The following UBASH3B variants were observed in gnomAD, a reference collection of about 807,000 sequenced individuals.
UBASH3B encodes the protein ubiquitin-associated and SH3 domain-containing protein B.
A neutral mutation model predicts 83.4 loss-of-function variants in UBASH3B; 37 were observed. That is an observed-to-expected ratio of 0.44 (90% confidence interval 0.34 to 0.58). The LOEUF is 0.58. Ranked by LOEUF, UBASH3B falls within the 20% of genes least tolerant of loss-of-function variation. The pLI is 0.01. For missense variants in UBASH3B, 657 were observed against 827.2 expected (o/e 0.79, Z 2.52); for synonymous variants, 304 against 318.3 (o/e 0.96, Z 0.48).
intron 1 of UBASH3B, among the ~76,000 whole-genome samples, chr11:122,752,027 TTAA>T (rs1240860304): frequency 6.6e-6 from 1 of 152,222 alleles, no homozygotes; most frequent in Non-Finnish European, 1.5e-5. Flanking sequence ...TTATTTTAAC[TTAA>T]TAAACAAAAG....
chr11:122,705,372 G>A (rs529179836), intron 1 of UBASH3B, among the ~76,000 whole-genome samples: 10 of 151,772 alleles, frequency 6.6e-5, no homozygotes, highest in African/African-American at 2.2e-4. Flanking sequence ...CTTGAACCTG[G>A]GAGGCAGAGG....
intron 1 of UBASH3B, among the ~76,000 whole-genome samples, chr11:122,703,216 G>C (rs1030953331): frequency 6.6e-6 from 1 of 151,862 alleles, no homozygotes; most frequent in Non-Finnish European, 1.5e-5. Flanking sequence ...TCACGAGGTC[G>C]GGAGATTGAG....
chr11:122,687,431 T>C (rs1863823018), intron 1 of UBASH3B, among the ~76,000 whole-genome samples: 1 of 152,186 alleles, frequency 6.6e-6, no homozygotes, highest in African/African-American at 2.4e-5. Flanking sequence ...CTCACAGCAC[T>C]GGGCGTCCAG....
chr11:122,807,283 G>C (rs569271299), intron 12 of UBASH3B, among the ~76,000 whole-genome samples: 1 of 152,294 alleles, frequency 6.6e-6, no homozygotes, highest in East Asian at 1.9e-4. Context: ...ACACACAACA[G>C]TCCTGTATCT....
At chr11:122,704,918 T>TG (rs1198990038) in intron 1 of UBASH3B, among the ~76,000 whole-genome samples, 2 of 152,142 alleles carry the variant, frequency 1.3e-5, no homozygotes, top group African/African-American at 4.8e-5. Context: ...TTTCCTTATT[T>TG]GGGGGGTTAG....
chr11:122,707,646 T>C (rs529359414), intron 1 of UBASH3B, among the ~76,000 whole-genome samples: 7 of 152,274 alleles, frequency 4.6e-5, no homozygotes, highest in African/African-American at 1.7e-4. Context: ...TATTGTCTCA[T>C]TTGTCTCTTC....
intron 1 of UBASH3B, among the ~76,000 whole-genome samples, chr11:122,683,688 T>C (rs1863773423): frequency 6.6e-6 from 1 of 151,506 alleles, no homozygotes; most frequent in East Asian, 1.9e-4. Context: ...CTTAATATTA[T>C]CAAATATCTA....
chr11:122,662,267 C>A (rs1052027354), intron 1 of UBASH3B, among the ~76,000 whole-genome samples: 3 of 151,928 alleles, frequency 2.0e-5, no homozygotes, highest in African/African-American at 7.3e-5. Flanking sequence ...AATCAGCTAA[C>A]CCTATTTAAA....
At chr11:122,755,400 T>C (rs1043766749) in intron 1 of UBASH3B, among the ~76,000 whole-genome samples, 1 of 152,036 alleles carries the variant, frequency 6.6e-6, no homozygotes, top group Non-Finnish European at 1.5e-5. Flanking sequence ...TTCTTCTATC[T>C]TATGGAAAGC....
intron 9 of UBASH3B, among the ~76,000 whole-genome samples, chr11:122,797,808 C>T (rs1861180941): frequency 6.6e-6 from 1 of 151,932 alleles, no homozygotes; most frequent in South Asian, 2.1e-4. Flanking sequence ...TGGGAGGGAC[C>T]ACATAAAGAG....
chr11:122,669,004 T>G (rs1442406537), intron 1 of UBASH3B, among the ~76,000 whole-genome samples: 2 of 152,190 alleles, frequency 1.3e-5, no homozygotes, highest in Non-Finnish European at 2.9e-5. Context: ...CTTTATCCCT[T>G]GGGAACTAGG....
chr11:122,662,334 G>A (rs888951441), intron 1 of UBASH3B, among the ~76,000 whole-genome samples: 1 of 151,986 alleles, frequency 6.6e-6, no homozygotes, highest in Non-Finnish European at 1.5e-5. Flanking sequence ...GACACAGTAC[G>A]TTCACTGCCC....
At chr11:122,789,361 C>T (rs1307130499) in intron 6 of UBASH3B, 53 bp downstream of exon 6, 41 of 1,574,734 alleles carry the variant, frequency 2.6e-5, no homozygotes, top group Non-Finnish European at 3.6e-5. Context: ...CTAAGGCAGA[C>T]TGGATCCTGG....
chr11:122,792,252 A>G (rs1200665594), intron 6 of UBASH3B, among the ~76,000 whole-genome samples: 4 of 151,364 alleles, frequency 2.6e-5, no homozygotes, highest in African/African-American at 9.7e-5. Context: ...GTAGCCAGAC[A>G]TTTTGCACCC....
In UBASH3B at chr11:122,706,177, C is replaced by T. The variant is rs1020337622; in HGVS notation, c.161+49967C>T. The stretch of plus-strand genomic sequence containing the variant: ...TGTTGCCCAGACTAGAGTGCAGTTG[C>T]GTGATCTCAGCTCACTGCAACCTTC... On this transcript the variant is annotated intron_variant, in intron 1 of 13. Transcript: ENST00000284273. 6.5e-5 allele frequency among the ~76,000 whole-genome samples: 9 copies of T among 139,534 alleles called. No homozygotes were observed. The South Asian group carries it at 6.6e-4, about 10-fold the overall frequency. 91.5% of individuals were successfully genotyped at this position (139,534 alleles called of 152,430 possible). A position where few individuals can be genotyped will look rare whatever the true frequency, so the allele number is the denominator to read the frequency against.
intron 1 of UBASH3B, among the ~76,000 whole-genome samples, chr11:122,682,420 T>G (rs984359528): frequency 7.2e-5 from 11 of 152,210 alleles, no homozygotes; most frequent in Non-Finnish European, 1.3e-4. Flanking sequence ...CCTGAGAAGT[T>G]CACTTGTCCC....
At chr11:122,776,304 G>A in intron 2 of UBASH3B, 32 bp downstream of exon 2, 1 of 1,584,208 alleles carries the variant, frequency 6.3e-7, no homozygotes, top group Non-Finnish European at 8.6e-7. Flanking sequence ...TGAGAAAATA[G>A]CATATAATTA....
intron 1 of UBASH3B, among the ~76,000 whole-genome samples, chr11:122,764,446 T>C (rs1259461009): frequency 1.3e-5 from 2 of 152,244 alleles, no homozygotes; most frequent in African/African-American, 2.4e-5. Context: ...CACATACCCA[T>C]GTTCCAGCTC....
At chr11:122,796,091 C>T in intron 7 of UBASH3B, 65 bp from the exon 8 acceptor site, 3 of 1,593,018 alleles carry the variant, frequency 1.9e-6, no homozygotes, top group Non-Finnish European at 2.6e-6. Flanking sequence ...TCACCTGGCA[C>T]CTGGCTCCAA....
Sources: allele counts gnomAD v4.1 joint callset (sites outside exome capture counted in the v4.1 genomes callset), GRCh38; gene constraint gnomAD v4.1.1; transcripts MANE v1.5; gene names NCBI Gene and HGNC (gene_info 2026-07-23, HGNC 2026-07-21).